PCLO: variants seen among roughly 807,000 people sequenced by gnomAD.
The protein encoded by PCLO is protein piccolo.
PCLO carries 82 observed loss-of-function variants against 427.5 expected under a neutral mutation model. That is an observed-to-expected ratio of 0.19 (90% CI 0.16 to 0.23). The LOEUF (loss-of-function observed/expected upper bound fraction) is 0.23, where lower values mean the gene tolerates loss of function less well. Ranked by LOEUF, PCLO falls within the 10% of genes least tolerant of loss-of-function variation. The probability of loss-of-function intolerance (pLI) is 1.00; values close to 1 mark genes in which losing one functional copy is unlikely to be tolerated. For synonymous variants in PCLO, 2,357 were observed against 2,155.4 expected, an observed-to-expected ratio of 1.09 and a Z score of -2.59; for missense variants, 6,239 against 6,115.9, an observed-to-expected ratio of 1.02 and a Z score of -0.67.
intron 3 of PCLO, among the ~76,000 whole-genome samples, chr7:83,053,021 T>C (rs999958656): frequency 5.3e-5 from 8 of 152,028 alleles, no homozygotes; most frequent in African/African-American, 1.9e-4. Context: ...AAAGGGTTTA[T>C]ATTTCCCTCT....
intron 3 of PCLO, among the ~76,000 whole-genome samples, chr7:83,125,647 G>A (rs1011710432): frequency 6.6e-5 from 10 of 152,222 alleles, no homozygotes; most frequent in Admixed American, 1.3e-4. Flanking sequence ...GATTAAGGGC[G>A]GTGCAAGATG....
intron 3 of PCLO, among the ~76,000 whole-genome samples, chr7:83,053,445 GC>G (rs1223471543): frequency 5.3e-5 from 8 of 151,892 alleles, no homozygotes; most frequent in African/African-American, 1.9e-4. Context: ...CATAAAATGT[GC>G]CCATCAAATA....
At chr7:83,053,195 C>T (rs952014548) in intron 3 of PCLO, among the ~76,000 whole-genome samples, 7 of 151,860 alleles carry the variant, frequency 4.6e-5, no homozygotes, top group African/African-American at 1.7e-4. Flanking sequence ...ATCCCATCTC[C>T]TTTTTTCATC....
chr7:82,771,238 T>C (rs887557813), intron 22 of PCLO, among the ~76,000 whole-genome samples: 4 of 151,932 alleles, frequency 2.6e-5, no homozygotes, highest in Admixed American at 6.6e-5. Flanking sequence ...TTTTTTCTTA[T>C]GTATCTAACA....
chr7:83,146,122 C>T (rs1451870540), intron 2 of PCLO, among the ~76,000 whole-genome samples: 1 of 152,196 alleles, frequency 6.6e-6, no homozygotes, highest in Non-Finnish European at 1.5e-5. Context: ...TACAATCTCT[C>T]TTCCCTGTGA....
At chr7:83,072,022 T>C (rs1789828931) in intron 3 of PCLO, among the ~76,000 whole-genome samples, 1 of 151,892 alleles carries the variant, frequency 6.6e-6, no homozygotes, top group African/African-American at 2.4e-5. Flanking sequence ...TCAAATTTCT[T>C]ATTTTAAGTT....
chr7:83,147,351 G>C (rs1331187786), intron 2 of PCLO, among the ~76,000 whole-genome samples: 1 of 151,700 alleles, frequency 6.6e-6, no homozygotes, highest in African/African-American at 2.4e-5. Flanking sequence ...TTATAATTAG[G>C]ATATTCTCAC....
intron 9 of PCLO, among the ~76,000 whole-genome samples, chr7:82,900,318 C>T (rs777535787): frequency 2.6e-5 from 4 of 151,448 alleles, no homozygotes; most frequent in Non-Finnish European, 4.4e-5. Context: ...AGAAATACCC[C>T]GTTTGTTGTA....
At chr7:83,019,419 T>A (rs1157368100) in intron 3 of PCLO, among the ~76,000 whole-genome samples, 1 of 151,660 alleles carries the variant, frequency 6.6e-6, no homozygotes, top group African/African-American at 2.4e-5. Context: ...TAACCTGTGG[T>A]CTCCCAATCA....
In PCLO at chr7:82,916,528, C is replaced by G; in HGVS notation, c.11458G>C (p.Glu3820Gln). 1 of 1,613,486 alleles carries G rather than the reference C, an allele frequency of 6.2e-7. No homozygotes were observed. ...GCTACTCCCTGGAGGTAGGCTCGTT[C>G]TCTCTTTTCTCTCTCCTTTAATAGG... ...EALLKEREKR[E>Q]RAYLQGVAED... The change falls in exon 7 of 25, where the codon GAA (glutamate) becomes CAA (glutamine). Residue 3820 changes from glutamate (E) to glutamine (Q), a missense_variant. Physicochemically the swap from Glu to Gln is conservative, Grantham distance 29. Transcript: ENST00000333891.
intron 2 of PCLO, among the ~76,000 whole-genome samples, chr7:83,139,990 G>GA: frequency 6.6e-6 from 1 of 151,842 alleles, no homozygotes; most frequent in Non-Finnish European, 1.5e-5. Flanking sequence ...AAAAGAAAAA[G>GA]AAAAAAGAAA....
At chr7:82,849,778 T>C (rs923782057) in intron 10 of PCLO, among the ~76,000 whole-genome samples, 1 of 152,176 alleles carries the variant, frequency 6.6e-6, no homozygotes, top group Non-Finnish European at 1.5e-5. Flanking sequence ...TCTTGTCATT[T>C]AATAGGTTTG....
In PCLO at chr7:82,954,153, G is replaced by C. The variant is rs115406962; in HGVS notation, c.6800C>G (p.Ser2267Cys). The C allele has an allele frequency of 1.9e-6, 3 of 1,613,808 alleles. No homozygotes were observed. The East Asian group carries it at 6.7e-5, about 36-fold the overall frequency. ...TTCTATGATAGAAGATGCCATATCA[G>C]ATAAGGAAATAACAATATGATCAGC... ...ASADHIVISL[S>C]DMASSIIESV... The change falls in exon 5 of 25, where the codon TCT becomes TGT. Residue 2267 changes from serine (S) to cysteine (C), a missense_variant. By Grantham distance (112) the Ser-to-Cys change is moderately radical. Coordinates refer to ENST00000333891, the MANE Select transcript of PCLO (RefSeq NM_033026.6).
At chr7:82,978,286 T>C (rs1028183887) in intron 3 of PCLO, among the ~76,000 whole-genome samples, 7 of 151,952 alleles carry the variant, frequency 4.6e-5, no homozygotes, top group African/African-American at 1.7e-4. Flanking sequence ...ATCTGGGCAA[T>C]TACAGATTGC....
chr7:82,963,717 A>C lies in PCLO; in HGVS notation c.4017+2054T>G, dbSNP rs139420214. On this transcript the variant is annotated intron_variant, in intron 4 of 24. Coordinates refer to ENST00000333891, the MANE Select transcript of PCLO (RefSeq NM_033026.6). ...TATTAAACACCTTTTAAGGTGATCA[A>C]ATGTATCTGTATTTACTATCTGCAT... 4.6e-3 allele frequency among the ~76,000 whole-genome samples: 702 copies of C among 152,208 alleles called. 8 individuals carry two copies. Among genetic ancestry groups the C allele is most frequent in the Middle Eastern group, 0.024 (7 of 286 alleles).
chr7:83,162,280 C>T (rs376671778), intron 1 of PCLO, 65 bp downstream of exon 1: 1 of 1,497,626 alleles, frequency 6.7e-7, no homozygotes, highest in Non-Finnish European at 8.9e-7. Context: ...CACATACAGG[C>T]TGGCACATAT....
chr7:82,858,645 T>C (rs2115895342), intron 10 of PCLO, among the ~76,000 whole-genome samples: 1 of 152,264 alleles, frequency 6.6e-6, no homozygotes, highest in African/African-American at 2.4e-5. Flanking sequence ...GCCTATACTA[T>C]ACTCAGCTTA....
chr7:82,852,106 C>G (rs1390684607), intron 10 of PCLO, among the ~76,000 whole-genome samples: 1 of 151,894 alleles, frequency 6.6e-6, no homozygotes, highest in East Asian at 1.9e-4. Context: ...AAGGAAAAAA[C>G]TAGTATTTGA....
intron 3 of PCLO, among the ~76,000 whole-genome samples, chr7:83,085,447 G>C (rs1241833602): frequency 6.6e-6 from 1 of 152,122 alleles, no homozygotes; most frequent in Non-Finnish European, 1.5e-5. Context: ...GTAAAAACTT[G>C]ACAGGTTTCA....
Sources: allele counts gnomAD v4.1 joint callset (sites outside exome capture counted in the v4.1 genomes callset), GRCh38; gene constraint gnomAD v4.1.1; transcripts MANE v1.5; gene names NCBI Gene and HGNC (gene_info 2026-07-23, HGNC 2026-07-21).